The following PLPP1 variants were observed in gnomAD, a reference collection of about 807,000 sequenced individuals.
The protein encoded by PLPP1 is phospholipid phosphatase 1.
PLPP1 carries 24 observed loss-of-function variants against 31.2 expected under a neutral mutation model. That is an observed-to-expected ratio of 0.77 (90% CI 0.56 to 1.08). PLPP1 has a LOEUF of 1.08. PLPP1 is among the 50% of genes least tolerant of loss of function. The pLI is 0.00. For missense variants in PLPP1, 319 were observed against 342.7 expected, an observed-to-expected ratio of 0.93 and a Z score of 0.55; for synonymous variants, 146 against 126.3, an observed-to-expected ratio of 1.16 and a Z score of -1.05.
At chr5:55,530,969 C>T (rs1263312271) in intron 1 of PLPP1, among the ~76,000 whole-genome samples, 3 of 152,194 alleles carry the variant, frequency 2.0e-5, no homozygotes, top group Admixed American at 1.3e-4. Context: ...GGTGACGGCC[C>T]GGGGCTCGAT....
At chr5:55,427,539 A>G (rs1337618695) in intron 4 of PLPP1, among the ~76,000 whole-genome samples, 1 of 152,184 alleles carries the variant, frequency 6.6e-6, no homozygotes, top group African/African-American at 2.4e-5. Context: ...AGCTAGTCCC[A>G]TGCTACTTCC....
chr5:55,498,438 A>C (rs1234425206), intron 1 of PLPP1, among the ~76,000 whole-genome samples: 4 of 151,924 alleles, frequency 2.6e-5, no homozygotes, highest in Non-Finnish European at 4.4e-5. Context: ...ACACACACAC[A>C]CCTCTTCAGC....
At chr5:55,471,693 A>G (rs1054510025) in intron 2 of PLPP1, among the ~76,000 whole-genome samples, 2 of 152,218 alleles carry the variant, frequency 1.3e-5, no homozygotes, top group African/African-American at 4.8e-5. Flanking sequence ...AGGCCCTGGT[A>G]TGCAGTCTTA....
intron 4 of PLPP1, among the ~76,000 whole-genome samples, chr5:55,438,585 C>T (rs139867864): frequency 1.2e-4 from 19 of 152,096 alleles, no homozygotes; most frequent in South Asian, 1.0e-3. Context: ...TCAAGGAATT[C>T]GGGGGTGGGG....
At position 55,489,634 on chromosome 5, in the gene PLPP1, G is replaced by GA. The variant is rs372674846; in HGVS notation, c.59-14185dup. Among the ~76,000 whole-genome samples, 831 of 151,982 alleles carry GA rather than the reference G, an allele frequency of 5.5e-3. 4 individuals carry two copies. The highest frequency in any genetic ancestry group is 0.019 in the African/African-American group (798 of 41,454). Reference sequence around the variant, plus strand: ...CAAAATACTGAGCTGCAGCCCATTAGAAAAAAATCTACCAGACAAAAAGGC... The same window carrying GA: ...CAAAATACTGAGCTGCAGCCCATTAGAAAAAAAATCTACCAGACAAAAAGGC... On this transcript the variant is annotated intron_variant, in intron 1 of 5. Coordinates refer to ENST00000307259, the MANE Select transcript of PLPP1 (RefSeq NM_003711.4).
intron 4 of PLPP1, among the ~76,000 whole-genome samples, chr5:55,436,908 C>T (rs1483449318): frequency 5.3e-5 from 8 of 152,082 alleles, no homozygotes; most frequent in Non-Finnish European, 8.8e-5. Flanking sequence ...GAAAATAGGA[C>T]TTTTGTGGGT....
At chr5:55,524,788 C>T (rs1018339228) in intron 1 of PLPP1, among the ~76,000 whole-genome samples, 2 of 151,924 alleles carry the variant, frequency 1.3e-5, no homozygotes, top group Non-Finnish European at 2.9e-5. Flanking sequence ...CCAGCCTGGG[C>T]GACAAGAGTG....
Position 55,485,787 on chromosome 5 carries a change from C to A in PLPP1, c.59-10337G>T, listed in dbSNP as rs532045725. On this transcript the variant is annotated intron_variant, in intron 1 of 5. Coordinates refer to ENST00000307259, the MANE Select transcript of PLPP1 (RefSeq NM_003711.4). Reference sequence around the variant, plus strand: ...CTCCCTCTCAATATATTACAAAAATCTTTCTATGTCAATATTATCAAAACT... The same window carrying A: ...CTCCCTCTCAATATATTACAAAAATATTTCTATGTCAATATTATCAAAACT... 1.1e-4 allele frequency among the ~76,000 whole-genome samples: 17 copies of A among 152,198 alleles called. 1 individual carries two copies. Among genetic ancestry groups the A allele is most frequent in the East Asian group, 1.9e-4 (1 of 5,182 alleles).
intron 1 of PLPP1, among the ~76,000 whole-genome samples, chr5:55,524,074 T>G (rs868122993): frequency 1.3e-5 from 2 of 152,200 alleles, no homozygotes; most frequent in South Asian, 4.1e-4. Context: ...AATGATGCAA[T>G]GTCAAATACT....
intron 4 of PLPP1, among the ~76,000 whole-genome samples, chr5:55,433,690 G>A (rs531223066): frequency 3.9e-4 from 58 of 150,238 alleles, no homozygotes; most frequent in Admixed American, 2.1e-3. Context: ...CAACAGAGAC[G>A]GTTTCACTGT....
chr5:55,479,774 C>T (rs971981695), intron 1 of PLPP1, among the ~76,000 whole-genome samples: 49 of 152,138 alleles, frequency 3.2e-4, no homozygotes, highest in African/African-American at 1.2e-3. Context: ...ATTTCTACTC[C>T]TTGAAACCAA....
At chr5:55,521,214 G>A (rs903191410) in intron 1 of PLPP1, among the ~76,000 whole-genome samples, 4 of 152,000 alleles carry the variant, frequency 2.6e-5, no homozygotes, top group Admixed American at 6.6e-5. Flanking sequence ...TTAGCCAGGC[G>A]TGGTGGCACA....
At chr5:55,444,771 G>GTGTGTGTGTGT (rs369243024) in intron 3 of PLPP1, among the ~76,000 whole-genome samples, 22 of 150,902 alleles carry the variant, frequency 1.5e-4, no homozygotes, top group Non-Finnish European at 2.4e-4. Context: ...GTGTGTGTGT[G>GTGTGTGTGTGT]ATGGAGTCTC....
At chr5:55,524,002 G>A (rs1013960783) in intron 1 of PLPP1, among the ~76,000 whole-genome samples, 1 of 151,966 alleles carries the variant, frequency 6.6e-6, no homozygotes, top group African/African-American at 2.4e-5. Context: ...TTTTTGCACT[G>A]GTATTTGCAG....
At chr5:55,479,705 G>A (rs552756370) in intron 1 of PLPP1, among the ~76,000 whole-genome samples, 2 of 152,120 alleles carry the variant, frequency 1.3e-5, no homozygotes, top group Non-Finnish European at 2.9e-5. Flanking sequence ...GCTGTTTGGG[G>A]TTATTAGAGC....
chr5:55,477,472 C>T (rs1385497410), intron 1 of PLPP1, among the ~76,000 whole-genome samples: 1 of 146,242 alleles, frequency 6.8e-6, no homozygotes, highest in Non-Finnish European at 1.5e-5. Context: ...CGGCTCACTG[C>T]ACACTCCACT....
intron 3 of PLPP1, among the ~76,000 whole-genome samples, chr5:55,443,525 G>T (rs1204831380): frequency 6.6e-6 from 1 of 152,014 alleles, no homozygotes; most frequent in African/African-American, 2.4e-5. Context: ...GTTAATAAAA[G>T]CCAATTTCAA....
chr5:55,498,295 G>C (rs943995449), intron 1 of PLPP1, among the ~76,000 whole-genome samples: 23 of 151,946 alleles, frequency 1.5e-4, no homozygotes, highest in African/African-American at 5.3e-4. Context: ...GATGTTAAGG[G>C]CCTGAAACAA....
At chr5:55,440,602 TC>T (rs747029445) in intron 4 of PLPP1, among the ~76,000 whole-genome samples, 6 of 151,370 alleles carry the variant, frequency 4.0e-5, no homozygotes, top group Admixed American at 6.6e-5. Context: ...ACTCTGTGCT[TC>T]TTCACAAAAT....
Sources: gnomAD v4.1 joint callset for allele counts (sites outside exome capture counted in the v4.1 genomes callset) on GRCh38, gnomAD v4.1.1 for gene constraint, MANE v1.5 for transcripts, NCBI Gene and HGNC (gene_info 2026-07-23, HGNC 2026-07-21) for gene names.